DAP3: variants seen among roughly 807,000 people sequenced by gnomAD.
DAP3 encodes death associated protein 3.
DAP3 carries 28 observed loss-of-function variants against 51.9 expected under a neutral mutation model. The ratio of observed to expected loss-of-function variants is 0.54; its 90% CI spans 0.40 to 0.74. DAP3 has a LOEUF of 0.74. DAP3 is among the 30% of genes least tolerant of loss of function. DAP3 has a pLI of 0.00. For synonymous variants in DAP3, 170 were observed against 170.3 expected, an observed-to-expected ratio of 1.00 and a Z score of 0.01; for missense variants, 458 against 483.5, an observed-to-expected ratio of 0.95 and a Z score of 0.49.
chr1:155,693,700 G>A (rs1269808683), intron 1 of DAP3, among the ~76,000 whole-genome samples: 1 of 141,998 alleles, frequency 7.0e-6, no homozygotes, highest in Admixed American at 6.6e-5. Flanking sequence ...GGTGGCTCAC[G>A]CCTGTAATCC....
At chr1:155,697,017 C>CT (rs560364270) in intron 1 of DAP3, among the ~76,000 whole-genome samples, 3 of 152,152 alleles carry the variant, frequency 2.0e-5, no homozygotes, top group Non-Finnish European at 4.4e-5. Context: ...ATCTACCATA[C>CT]TTTTTTTAAA....
At chr1:155,731,246 G>A (rs1005851522) in intron 9 of DAP3, 110 bp from the exon 10 acceptor site, 30 of 1,066,270 alleles carry the variant, frequency 2.8e-5, no homozygotes, top group Non-Finnish European at 3.8e-5. Flanking sequence ...CAGCCTGGGC[G>A]ACAGAGCGAG....
intron 1 of DAP3, among the ~76,000 whole-genome samples, chr1:155,708,701 ATTT>A (rs1179008308): frequency 1.6e-5 from 2 of 125,872 alleles, no homozygotes; most frequent in Non-Finnish European, 1.7e-5. Flanking sequence ...CTCCTGACTA[ATTT>A]TTTTTTTTTT....
chr1:155,705,540 C>A lies in DAP3; in HGVS notation c.-7-4233C>A, dbSNP rs1477209871. Among the ~76,000 whole-genome samples, 4 of 148,604 alleles carry A rather than the reference C, an allele frequency of 2.7e-5. 1 individual carries two copies. The highest frequency in any genetic ancestry group is 2.0e-4 in the East Asian group (1 of 5,076). On this transcript the variant is annotated intron_variant, in intron 1 of 12. Coordinates refer to ENST00000368336, the MANE Select transcript of DAP3 (RefSeq NM_004632.4). ...ATCACTTGAACCCAAGAGTTTGAGG[C>A]TACAGTGTGCTGTGATCTTGCCATT...
chr1:155,697,931 G>A (rs1462080930), intron 1 of DAP3, among the ~76,000 whole-genome samples: 2 of 152,106 alleles, frequency 1.3e-5, no homozygotes, highest in Non-Finnish European at 2.9e-5. Flanking sequence ...GAATGCATTC[G>A]TTTTCCCAGG....
intron 3 of DAP3, among the ~76,000 whole-genome samples, chr1:155,720,936 C>A (rs1328230501): frequency 2.6e-5 from 4 of 151,460 alleles, no homozygotes; most frequent in African/African-American, 9.7e-5. Context: ...GCTCGGGAGG[C>A]TGAGGCAGGA....
At chr1:155,701,019 C>CT (rs1655187723) in intron 1 of DAP3, among the ~76,000 whole-genome samples, 1 of 126,274 alleles carries the variant, frequency 7.9e-6, no homozygotes, top group African/African-American at 3.8e-5. Flanking sequence ...GTCAGCCCCC[C>CT]GCCCGGCCAG....
rs748588522 is a variant in DAP3 at position 155,738,203 on chromosome 1, G to A, written c.1158G>A (p.Ala386=). The A allele has an allele frequency of 1.1e-5, 17 of 1,614,208 alleles. No individual in the cohort carries two copies. The highest frequency in any genetic ancestry group is 9.9e-5 in the South Asian group (9 of 91,084). ...GKKELLFLSN[A]NPSLLERHCA... is the part of the protein sequence containing the mutation. ...AAGAGCTGCTGTTCCTAAGTAACGC[G>A]AACCCCTCGCTGCTGGAGCGGCACT... The change falls in exon 13 of 13, where the codon GCG becomes GCA. Residue 386 remains alanine (A), a synonymous_variant. Transcript: ENST00000368336.
chr1:155,705,617 A>AG (rs1655870891), intron 1 of DAP3, among the ~76,000 whole-genome samples: 1 of 151,060 alleles, frequency 6.6e-6, no homozygotes, highest in Admixed American at 6.6e-5. Flanking sequence ...AAAAAAAGAA[A>AG]GAAAAAAAAA....
intron 1 of DAP3, among the ~76,000 whole-genome samples, chr1:155,705,521 T>G (rs1655849980): frequency 6.6e-6 from 1 of 150,472 alleles, no homozygotes; most frequent in Non-Finnish European, 1.5e-5. Flanking sequence ...GCGGATCACT[T>G]GAACCCAAGA....
At chr1:155,729,972 C>T (rs1371511099) in intron 9 of DAP3, among the ~76,000 whole-genome samples, 9 of 151,108 alleles carry the variant, frequency 6.0e-5, no homozygotes, top group South Asian at 4.2e-4. Flanking sequence ...CCCAGTTACT[C>T]GGGAGGCTGA....
At chr1:155,711,123 T>C (rs1410651965) in intron 2 of DAP3, among the ~76,000 whole-genome samples, 2 of 152,078 alleles carry the variant, frequency 1.3e-5, no homozygotes, top group Admixed American at 6.6e-5. Context: ...CCCATTATTA[T>C]AAAATGAAAC....
At chr1:155,733,398 C>T (rs1191823369) in intron 11 of DAP3, among the ~76,000 whole-genome samples, 1 of 152,222 alleles carries the variant, frequency 6.6e-6, no homozygotes. Context: ...CTTCCACCTA[C>T]TGGTTTTAGT....
At chr1:155,724,326 A>G (rs1422041572) in intron 4 of DAP3, among the ~76,000 whole-genome samples, 1 of 152,094 alleles carries the variant, frequency 6.6e-6, no homozygotes, top group Non-Finnish European at 1.5e-5. Flanking sequence ...AAAAGTCTAA[A>G]TGGTTAAAGT....
At chr1:155,721,208 T>C (rs1184721141) in intron 3 of DAP3, among the ~76,000 whole-genome samples, 1 of 151,260 alleles carries the variant, frequency 6.6e-6, no homozygotes, top group Non-Finnish European at 1.5e-5. Flanking sequence ...CGGTGGCAGA[T>C]TGTAATGCCA....
chr1:155,736,755 C>A, intron 11 of DAP3, 191 bp from the exon 12 acceptor site: 1 of 590,822 alleles, frequency 1.7e-6, no homozygotes. Flanking sequence ...CCACGTAGAG[C>A]ACGAGTAGCC....
chr1:155,705,156 C>G (rs976374946), intron 1 of DAP3, among the ~76,000 whole-genome samples: 5 of 150,438 alleles, frequency 3.3e-5, no homozygotes, highest in Admixed American at 1.3e-4. Context: ...CACAGTGGCA[C>G]GTGCCTGTAA....
chr1:155,731,436 A>T lies in DAP3; in HGVS notation c.903+21A>T, dbSNP rs761758267. 41 of 1,609,154 alleles carry T rather than the reference A, an allele frequency of 2.5e-5. No individual in the cohort carries two copies. The East Asian group carries it at 6.7e-4, about 26-fold the overall frequency. On this transcript the variant is annotated intron_variant, in intron 10 of 12. Transcript: ENST00000368336. ...ATTGGGTAAGTGCATATGATACCTC[A>T]CACATTTCAGAAAGAAATGTATTAT...
At chr1:155,700,454 C>T (rs1655048819) in intron 1 of DAP3, among the ~76,000 whole-genome samples, 1 of 152,106 alleles carries the variant, frequency 6.6e-6, no homozygotes, top group Admixed American at 6.5e-5. Flanking sequence ...GAAACCATTG[C>T]ATAACACATG....
Sources: gnomAD v4.1 joint callset for allele counts (sites outside exome capture counted in the v4.1 genomes callset) on GRCh38, gnomAD v4.1.1 for gene constraint, MANE v1.5 for transcripts, NCBI Gene and HGNC (gene_info 2026-07-23, HGNC 2026-07-21) for gene names.